The following PTPRT variants were observed in gnomAD, a reference collection of about 807,000 sequenced individuals.
The protein encoded by PTPRT is receptor-type tyrosine-protein phosphatase T.
A neutral mutation model predicts 176.8 loss-of-function variants in PTPRT; 56 were observed. The observed-to-expected ratio is 0.32, with a 90% confidence interval of 0.26 to 0.40. The LOEUF (loss-of-function observed/expected upper bound fraction) is 0.40. Ranked by LOEUF, PTPRT falls within the 10% of genes least tolerant of loss-of-function variation. The pLI is 1.00. For missense variants in PTPRT, 1,540 were observed against 1,908.2 expected (o/e 0.81, Z 3.60); for synonymous variants, 783 against 739.0 (o/e 1.06, Z -0.96).
chr20:43,040,613 T>C (rs538800160), intron 1 of PTPRT, among the ~76,000 whole-genome samples: 5 of 152,282 alleles, frequency 3.3e-5, no homozygotes, highest in Non-Finnish European at 7.3e-5. Context: ...CTGTCCTTGG[T>C]CCTGAAAGAT....
intron 1 of PTPRT, among the ~76,000 whole-genome samples, chr20:42,923,794 C>T (rs546190229): frequency 7.9e-5 from 12 of 152,232 alleles, no homozygotes; most frequent in South Asian, 4.1e-4. Flanking sequence ...CAGTGTCCAG[C>T]GTCATCAATA....
At chr20:42,841,398 C>T (rs1037157979) in intron 2 of PTPRT, among the ~76,000 whole-genome samples, 1 of 152,138 alleles carries the variant, frequency 6.6e-6, no homozygotes, top group Non-Finnish European at 1.5e-5. Flanking sequence ...AGGACAAACA[C>T]AGCTCAGAAT....
chr20:42,856,730 T>A (rs1202423864), intron 2 of PTPRT, among the ~76,000 whole-genome samples: 4 of 151,946 alleles, frequency 2.6e-5, no homozygotes, highest in African/African-American at 9.7e-5. Flanking sequence ...TGGAGGACCC[T>A]CATCTAGTCA....
intron 1 of PTPRT, among the ~76,000 whole-genome samples, chr20:43,084,563 C>T (rs1239716923): frequency 6.6e-6 from 1 of 152,170 alleles, no homozygotes; most frequent in African/African-American, 2.4e-5. Context: ...GCCACCAGGT[C>T]CCTCCCTCAA....
At chr20:42,927,778 T>A (rs1452611648) in intron 1 of PTPRT, among the ~76,000 whole-genome samples, 1 of 152,162 alleles carries the variant, frequency 6.6e-6, no homozygotes, top group Non-Finnish European at 1.5e-5. Flanking sequence ...GGCCCAGGTA[T>A]GGTACAGTGA....
intron 7 of PTPRT, among the ~76,000 whole-genome samples, chr20:42,477,225 C>T (rs965106718): frequency 2.6e-5 from 4 of 152,114 alleles, no homozygotes; most frequent in Admixed American, 1.3e-4. Flanking sequence ...GTTCTGTTTG[C>T]CAGTAACCTC....
chr20:43,051,210 A>T (rs1297056987), intron 1 of PTPRT, among the ~76,000 whole-genome samples: 1 of 152,222 alleles, frequency 6.6e-6, no homozygotes, highest in Non-Finnish European at 1.5e-5. Flanking sequence ...GACTTCCTAC[A>T]TATATGTGCC....
chr20:43,050,818 C>T (rs2146232056), intron 1 of PTPRT, among the ~76,000 whole-genome samples: 1 of 152,330 alleles, frequency 6.6e-6, no homozygotes, highest in South Asian at 2.1e-4. Flanking sequence ...GGCCTGATCT[C>T]TGTCCTCCAT....
intron 6 of PTPRT, among the ~76,000 whole-genome samples, chr20:42,755,078 T>G (rs2076811497): frequency 6.6e-6 from 1 of 152,080 alleles, no homozygotes; most frequent in Admixed American, 6.5e-5. Context: ...GGAGACCAGG[T>G]AATGAGAAGG....
chr20:43,047,807 C>A (rs921548728), intron 1 of PTPRT, among the ~76,000 whole-genome samples: 141 of 152,268 alleles, frequency 9.3e-4, no homozygotes, highest in African/African-American at 3.3e-3. Flanking sequence ...TTAATCCCCA[C>A]AGAACTCCAT....
At chr20:42,423,153 T>C (rs533435598) in intron 9 of PTPRT, among the ~76,000 whole-genome samples, 1 of 126,980 alleles carries the variant, frequency 7.9e-6, no homozygotes, top group South Asian at 2.6e-4. Flanking sequence ...ATGAAAACCT[T>C]CACTTGTACC....
intron 12 of PTPRT, among the ~76,000 whole-genome samples, chr20:42,305,031 A>G (rs1380508974): frequency 2.0e-5 from 3 of 152,084 alleles, no homozygotes; most frequent in Non-Finnish European, 2.9e-5. Flanking sequence ...TCTTTATTCC[A>G]CTATAAGATT....
downstream of PTPRT, among the ~76,000 whole-genome samples, chr20:42,070,482 A>T (rs1427126933): frequency 2.6e-5 from 4 of 152,154 alleles, no homozygotes; most frequent in African/African-American, 9.6e-5. Flanking sequence ...CTCTCTGCTA[A>T]CGTTGATCCT....
At chr20:42,041,720 T>C in the PTPRT span, among the ~76,000 whole-genome samples, 1 of 152,210 alleles carries the variant, frequency 6.6e-6, no homozygotes, top group Admixed American at 6.5e-5. Flanking sequence ...ATATACCTAC[T>C]TTATAAATTG....
At chr20:43,181,059 T>C (rs574331458) in intron 1 of PTPRT, among the ~76,000 whole-genome samples, 1 of 152,336 alleles carries the variant, frequency 6.6e-6, no homozygotes, top group South Asian at 2.1e-4. Context: ...CACTGTGAGC[T>C]GTCTGATGAA....
chr20:42,621,582 G>A (rs1004962881), intron 7 of PTPRT, among the ~76,000 whole-genome samples: 2 of 152,098 alleles, frequency 1.3e-5, no homozygotes, highest in African/African-American at 4.8e-5. Context: ...TTTAAATATG[G>A]AATTCCTTGG....
intron 9 of PTPRT, among the ~76,000 whole-genome samples, chr20:42,424,644 A>G (rs1336807203): frequency 6.6e-6 from 1 of 152,106 alleles, no homozygotes; most frequent in East Asian, 1.9e-4. Flanking sequence ...GGATGGATGC[A>G]GCAGCCCCCA....
chr20:42,189,074 G>T (rs1006873172), intron 16 of PTPRT, among the ~76,000 whole-genome samples: 2 of 152,142 alleles, frequency 1.3e-5, no homozygotes, highest in South Asian at 4.1e-4. Context: ...ATTTAAATGG[G>T]ACACAAATGT....
intron 9 of PTPRT, among the ~76,000 whole-genome samples, chr20:42,363,295 TA>T (rs1185657549): frequency 2.1e-3 from 56 of 27,110 alleles, no homozygotes; most frequent in African/African-American, 9.6e-3. Flanking sequence ...TATATATATA[TA>T]TATATTTTTT....
Sources: gnomAD v4.1 joint callset for allele counts (sites outside exome capture counted in the v4.1 genomes callset) on GRCh38, gnomAD v4.1.1 for gene constraint, MANE v1.5 for transcripts, NCBI Gene and HGNC (gene_info 2026-07-23, HGNC 2026-07-21) for gene names.